KHDRBS2: variants seen among roughly 807,000 people sequenced by gnomAD.
KHDRBS2 encodes the protein KH RNA binding domain containing, signal transduction associated 2, also known as KH domain-containing, RNA-binding, signal transduction-associated protein 2.
Under a neutral mutation model 44.3 loss-of-function variants are expected in KHDRBS2, and 26 were observed. The ratio of observed to expected loss-of-function variants is 0.59; its 90% CI spans 0.43 to 0.81. The LOEUF is 0.81. KHDRBS2 is among the 40% of genes least tolerant of loss of function. KHDRBS2 has a pLI of 0.00. For synonymous variants in KHDRBS2, 194 were observed against 151.1 expected, an observed-to-expected ratio of 1.28 and a Z score of -2.08; for missense variants, 476 against 433.1, an observed-to-expected ratio of 1.10 and a Z score of -0.88.
chr6:61,874,988 C>T (rs1799211549), intron 6 of KHDRBS2, among the ~76,000 whole-genome samples: 1 of 152,080 alleles, frequency 6.6e-6, no homozygotes, highest in African/African-American at 2.4e-5. Flanking sequence ...ACTAGCATGT[C>T]CTCGGTAAGG....
intron 1 of KHDRBS2, among the ~76,000 whole-genome samples, chr6:62,200,816 C>T (rs879560817): frequency 2.0e-5 from 3 of 152,102 alleles, no homozygotes; most frequent in East Asian, 3.9e-4. Flanking sequence ...CTCACAATAG[C>T]AAAGACTTGG....
intron 6 of KHDRBS2, among the ~76,000 whole-genome samples, chr6:61,828,376 T>C (rs1374384084): frequency 6.6e-6 from 1 of 152,182 alleles, no homozygotes; most frequent in Non-Finnish European, 1.5e-5. Flanking sequence ...GAAGGCAACT[T>C]CAGGAGTAAG....
At chr6:62,165,347 CTT>C (rs921573126) in intron 2 of KHDRBS2, among the ~76,000 whole-genome samples, 1 of 139,588 alleles carries the variant, frequency 7.2e-6, no homozygotes, top group African/African-American at 2.6e-5. Flanking sequence ...TCTGGTCTTC[CTT>C]TTTTTTTTTC....
intron 6 of KHDRBS2, among the ~76,000 whole-genome samples, chr6:61,863,449 C>G (rs917690566): frequency 2.0e-5 from 3 of 152,044 alleles, no homozygotes; most frequent in Non-Finnish European, 4.4e-5. Flanking sequence ...TCCTTCTTAA[C>G]ACTGCTTTTG....
intron 6 of KHDRBS2, among the ~76,000 whole-genome samples, chr6:61,840,449 G>C (rs116452726): frequency 0.014 from 2,099 of 152,160 alleles, 55 homozygotes; most frequent in African/African-American, 0.048. Context: ...CTCTGGACAA[G>C]TGCTTCCTAA....
At chr6:62,180,627 C>A (rs1250088158) in intron 1 of KHDRBS2, among the ~76,000 whole-genome samples, 1 of 151,624 alleles carries the variant, frequency 6.6e-6, no homozygotes, top group Non-Finnish European at 1.5e-5. Flanking sequence ...CCCCAATAAC[C>A]TAAAGATTCA....
intron 6 of KHDRBS2, among the ~76,000 whole-genome samples, chr6:61,762,213 C>T (rs188856465): frequency 9.3e-4 from 142 of 152,266 alleles, no homozygotes; most frequent in African/African-American, 3.2e-3. Flanking sequence ...TCCTGCACAA[C>T]TTTTCCATAA....
At chr6:61,608,370 A>T in the KHDRBS2 span, among the ~76,000 whole-genome samples, 1 of 151,942 alleles carries the variant, frequency 6.6e-6, no homozygotes, top group Non-Finnish European at 1.5e-5. Flanking sequence ...GTAAAGGGAG[A>T]AGAAGAAGCA....
chr6:61,836,769 A>G (rs1006982248), intron 6 of KHDRBS2, among the ~76,000 whole-genome samples: 4 of 152,058 alleles, frequency 2.6e-5, no homozygotes, highest in African/African-American at 9.7e-5. Context: ...ACACACATAC[A>G]CGCATATATA....
chr6:61,582,244 G>C, the KHDRBS2 span, among the ~76,000 whole-genome samples: 52 of 151,592 alleles, frequency 3.4e-4, no homozygotes, highest in Non-Finnish European at 1.3e-4. Context: ...ATAAGAAGCA[G>C]TAAATAGTTA....
chr6:61,848,508 T>TACGTATATATATAC (rs1296501157), intron 6 of KHDRBS2, among the ~76,000 whole-genome samples: 1 of 53,678 alleles, frequency 1.9e-5, no homozygotes, highest in Non-Finnish European at 3.3e-5. Context: ...TATATATATA[T>TACGTATATATATAC]ATGTATATAT....
intron 6 of KHDRBS2, among the ~76,000 whole-genome samples, chr6:61,809,921 A>G (rs535322102): frequency 1.3e-5 from 2 of 152,276 alleles, no homozygotes; most frequent in East Asian, 3.9e-4. Flanking sequence ...TGTAAAGTAT[A>G]AGAGAAAAAT....
intron 4 of KHDRBS2, among the ~76,000 whole-genome samples, chr6:61,932,320 A>C (rs1810210253): frequency 6.6e-6 from 1 of 152,200 alleles, no homozygotes; most frequent in Admixed American, 6.5e-5. Flanking sequence ...TATGTTTTTC[A>C]GGAATACATC....
rs9451706 is a variant in KHDRBS2, at chr6:61,768,453, C to G, written c.811-35689G>C. 9.9e-5 allele frequency among the ~76,000 whole-genome samples: 15 copies of G among 152,194 alleles called. No individual in the cohort carries two copies. The East Asian group carries it at 2.9e-3, about 29-fold the overall frequency. On this transcript the variant is annotated intron_variant, in intron 6 of 8. Transcript: ENST00000281156. The stretch of plus-strand genomic sequence containing the variant: ...CTTTGAATATACTTACTACACCCAT[C>G]CCTTTCTCAACCTCATTTTAAAGGC...
intron 6 of KHDRBS2, among the ~76,000 whole-genome samples, chr6:61,845,530 C>T (rs963849956): frequency 9.2e-5 from 14 of 152,110 alleles, no homozygotes; most frequent in African/African-American, 3.4e-4. Flanking sequence ...AGGATGGTCT[C>T]GATCTCTTGA....
intron 3 of KHDRBS2, among the ~76,000 whole-genome samples, chr6:62,020,137 A>G (rs1781984257): frequency 6.6e-6 from 1 of 152,008 alleles, no homozygotes; most frequent in South Asian, 2.1e-4. Flanking sequence ...TTCAGTTAAA[A>G]ATAATGCCTA....
At chr6:61,583,614 G>T in the KHDRBS2 span, among the ~76,000 whole-genome samples, 1 of 151,602 alleles carries the variant, frequency 6.6e-6, no homozygotes, top group African/African-American at 2.4e-5. Context: ...ACTATTGTAG[G>T]TTTATAGCAA....
rs1813342183 is a variant in KHDRBS2, at chr6:61,946,168, CAT to C, written c.483+31896_483+31897del. On this transcript the variant is annotated intron_variant, in intron 4 of 8. Coordinates refer to ENST00000281156, the MANE Select transcript of KHDRBS2 (RefSeq NM_152688.4). Reference sequence around the variant, plus strand: ...ACCAGATAATCAATGCCCTCCTCTACATCTGAAACAACTGGACATTATAAACA... The same window carrying C: ...ACCAGATAATCAATGCCCTCCTCTACCTGAAACAACTGGACATTATAAACA... Among the ~76,000 whole-genome samples, 5 of 152,324 alleles carry C rather than the reference CAT, an allele frequency of 3.3e-5. No homozygotes were observed. In the South Asian group the frequency reaches 1.0e-3, roughly 32 times the overall value.
intron 1 of KHDRBS2, among the ~76,000 whole-genome samples, chr6:62,208,894 AT>A (rs750685256): frequency 3.9e-5 from 6 of 152,208 alleles, no homozygotes; most frequent in Non-Finnish European, 5.9e-5. Flanking sequence ...AGAAATATCT[AT>A]TCAGGTCTTT....
Sources: allele counts gnomAD v4.1 joint callset (sites outside exome capture counted in the v4.1 genomes callset), GRCh38; gene constraint gnomAD v4.1.1; transcripts MANE v1.5; gene names NCBI Gene and HGNC (gene_info 2026-07-23, HGNC 2026-07-21).